PALM2AKAP2: variants seen among roughly 807,000 people sequenced by gnomAD.
The protein encoded by PALM2AKAP2 is PALM2-AKAP2 fusion protein.
Under a neutral mutation model 71.5 loss-of-function variants are expected in PALM2AKAP2, and 37 were observed. That is an observed-to-expected ratio of 0.52 (90% CI 0.40 to 0.68). PALM2AKAP2 has a LOEUF of 0.68. PALM2AKAP2 is among the 30% of genes least tolerant of loss of function. PALM2AKAP2 has a pLI of 0.00. For synonymous variants in PALM2AKAP2, 468 were observed against 478.8 expected, an observed-to-expected ratio of 0.98 and a Z score of 0.29; for missense variants, 1,224 against 1,191.8, an observed-to-expected ratio of 1.03 and a Z score of -0.40.
Position 109,752,485 on chromosome 9 carries a change from G to A in PALM2AKAP2, c.6-28003G>A, listed in dbSNP as rs569941764. Among the ~76,000 whole-genome samples, 11 of 152,266 alleles carry A rather than the reference G, an allele frequency of 7.2e-5. No individual in the cohort carries two copies. The South Asian group carries it at 8.3e-4, about 11-fold the overall frequency. ...AATGATGACTTGACATGGGAAAAGA[G>A]AAAGAGGGATTGAAGAAAACATTTC... On this transcript the variant is annotated intron_variant, in intron 1 of 6. Transcript: ENST00000374531.
At chr9:110,110,542 C>CTTTTTTTTTTTT (rs559402514) in intron 1 of PALM2AKAP2, among the ~76,000 whole-genome samples, 1 of 95,336 alleles carries the variant, frequency 1.0e-5, no homozygotes. Context: ...TTTCTGAACT[C>CTTTTTTTTTTTT]TTTTTTTTTT....
At chr9:109,814,087 C>G (rs1301727325) in intron 1 of PALM2AKAP2, among the ~76,000 whole-genome samples, 1 of 152,216 alleles carries the variant, frequency 6.6e-6, no homozygotes, top group Non-Finnish European at 1.5e-5. Context: ...GACTCATTCT[C>G]CAGCTCCCAC....
At chr9:109,766,026 G>A (rs1829145778) in intron 1 of PALM2AKAP2, among the ~76,000 whole-genome samples, 1 of 152,160 alleles carries the variant, frequency 6.6e-6, no homozygotes, top group Non-Finnish European at 1.5e-5. Flanking sequence ...CCTCACTAAT[G>A]TCCCAGGGAG....
intron 3 of PALM2AKAP2, among the ~76,000 whole-genome samples, chr9:110,156,821 C>G (rs984527566): frequency 2.0e-5 from 3 of 152,174 alleles, no homozygotes; most frequent in African/African-American, 7.2e-5. Flanking sequence ...TGCAAGTGCC[C>G]TGAAATCATC....
chr9:110,143,143 CA>C (rs961479824), intron 2 of PALM2AKAP2, among the ~76,000 whole-genome samples: 1 of 151,288 alleles, frequency 6.6e-6, no homozygotes, highest in Non-Finnish European at 1.5e-5. Flanking sequence ...GGAAGAAGGC[CA>C]GGGGTGGTGG....
At chr9:109,653,903 A>G (rs1827260280) in intron 1 of PALM2AKAP2, among the ~76,000 whole-genome samples, 1 of 152,262 alleles carries the variant, frequency 6.6e-6, no homozygotes, top group Non-Finnish European at 1.5e-5. Flanking sequence ...AAGTAAACAC[A>G]CAGAGCAAAA....
chr9:109,910,232 C>T (rs544093730), intron 3 of PALM2AKAP2, among the ~76,000 whole-genome samples: 6 of 152,236 alleles, frequency 3.9e-5, no homozygotes, highest in South Asian at 2.1e-4. Context: ...AATGGATTAA[C>T]GGTGGTACCA....
intron 6 of PALM2AKAP2, among the ~76,000 whole-genome samples, chr9:109,948,972 G>C (rs951139780): frequency 6.6e-6 from 1 of 152,020 alleles, no homozygotes; most frequent in Admixed American, 6.6e-5. Flanking sequence ...AAAAAAAAAC[G>C]CAGGTTGTAT....
At chr9:110,129,608 T>C (rs547694521) in intron 1 of PALM2AKAP2, among the ~76,000 whole-genome samples, 140 of 152,258 alleles carry the variant, frequency 9.2e-4, no homozygotes, top group Non-Finnish European at 1.7e-3. Context: ...TATGTGCATG[T>C]ACTGTGAAAT....
At chr9:109,786,458 C>A (rs994802467) in intron 1 of PALM2AKAP2, among the ~76,000 whole-genome samples, 1 of 152,332 alleles carries the variant, frequency 6.6e-6, no homozygotes, top group East Asian at 1.9e-4. Flanking sequence ...CCTGGTCATT[C>A]ATCTGTTATC....
chr9:109,660,260 A>G (rs1045570953), intron 1 of PALM2AKAP2, among the ~76,000 whole-genome samples: 1 of 152,166 alleles, frequency 6.6e-6, no homozygotes, highest in African/African-American at 2.4e-5. Context: ...GGTTTGATAC[A>G]TAGGTATACA....
At chr9:109,735,540 G>T (rs991826125) in intron 1 of PALM2AKAP2, among the ~76,000 whole-genome samples, 1 of 152,130 alleles carries the variant, frequency 6.6e-6, no homozygotes, top group African/African-American at 2.4e-5. Flanking sequence ...GGTAGAAAAA[G>T]ACTAAATGAA....
intron 1 of PALM2AKAP2, among the ~76,000 whole-genome samples, chr9:109,719,703 C>G (rs932659846): frequency 2.0e-5 from 3 of 152,112 alleles, no homozygotes; most frequent in Admixed American, 2.0e-4. Flanking sequence ...ACATAGAAAT[C>G]AGGGGTAAAC....
intron 6 of PALM2AKAP2, among the ~76,000 whole-genome samples, chr9:110,006,324 C>CCTTCTCTT (rs1554736917): frequency 9.8e-6 from 1 of 102,102 alleles, no homozygotes; most frequent in Non-Finnish European, 1.9e-5. Context: ...TTCCTTCCTT[C>CCTTCTCTT]TCTTTCTTTC....
chr9:109,904,257 G>A (rs1356086164), intron 3 of PALM2AKAP2, among the ~76,000 whole-genome samples: 1 of 152,172 alleles, frequency 6.6e-6, no homozygotes, highest in African/African-American at 2.4e-5. Context: ...AAATCAGATT[G>A]CAGCATGAAA....
chr9:109,866,150 G>C (rs535496747), intron 1 of PALM2AKAP2, among the ~76,000 whole-genome samples: 2 of 152,156 alleles, frequency 1.3e-5, no homozygotes, highest in Non-Finnish European at 2.9e-5. Flanking sequence ...AGAAAACCTT[G>C]GTTGTAATAC....
At chr9:110,070,013 C>T (rs1834168970) in intron 1 of PALM2AKAP2, among the ~76,000 whole-genome samples, 1 of 152,170 alleles carries the variant, frequency 6.6e-6, no homozygotes, top group Admixed American at 6.5e-5. Flanking sequence ...TCGTGAGACC[C>T]AGGAGAGGAA....
intron 6 of PALM2AKAP2, among the ~76,000 whole-genome samples, chr9:110,007,084 G>A (rs1224977163): frequency 6.6e-6 from 1 of 152,130 alleles, no homozygotes; most frequent in African/African-American, 2.4e-5. Flanking sequence ...TCTTAAAAAG[G>A]GAGGAGAGGA....
At chr9:110,092,478 A>C (rs928297168) in intron 1 of PALM2AKAP2, among the ~76,000 whole-genome samples, 31 of 152,238 alleles carry the variant, frequency 2.0e-4, no homozygotes, top group African/African-American at 7.2e-4. Context: ...AAACCCAAAG[A>C]AATTTGTAAT....
Sources: gnomAD v4.1 joint callset for allele counts (sites outside exome capture counted in the v4.1 genomes callset) on GRCh38, gnomAD v4.1.1 for gene constraint, MANE v1.5 for transcripts, NCBI Gene and HGNC (gene_info 2026-07-23, HGNC 2026-07-21) for gene names.